Variants in LINGO2 observed in about 807,000 individuals in gnomAD.
LINGO2 encodes the protein leucine rich repeat and Ig domain containing 2, also known as leucine-rich repeat and immunoglobulin-like domain-containing nogo receptor-interacting protein 2.
Under a neutral mutation model 30.6 loss-of-function variants are expected in LINGO2, and 14 were observed. The observed-to-expected ratio is 0.46, with a 90% CI of 0.30 to 0.72. LINGO2 has a LOEUF of 0.72. LINGO2 is among the 30% of genes least tolerant of loss of function. LINGO2 has a pLI of 0.07. For synonymous variants in LINGO2, 317 were observed against 288.5 expected (o/e 1.10, Z -1.00); for missense variants, 729 against 751.7 (o/e 0.97, Z 0.35).
chr9:28,403,375 G>C (rs1478170250), intron 2 of LINGO2, among the ~76,000 whole-genome samples: 1 of 152,084 alleles, frequency 6.6e-6, no homozygotes, highest in African/African-American at 2.4e-5. Flanking sequence ...TCTGTCAAAG[G>C]CTGCAGCTTC....
At chr9:29,073,528 G>A in the LINGO2 span, among the ~76,000 whole-genome samples, 1 of 152,182 alleles carries the variant, frequency 6.6e-6, no homozygotes, top group South Asian at 2.1e-4. Context: ...ATTGTATTTT[G>A]CAATACAAGA....
chr9:28,045,551 A>G, intron 4 of LINGO2, among the ~76,000 whole-genome samples: 1 of 152,206 alleles, frequency 6.6e-6, no homozygotes, highest in East Asian at 1.9e-4. Flanking sequence ...TATGAGAGAA[A>G]AGATTGAGAA....
At chr9:28,161,729 A>G (rs1828292847) in intron 4 of LINGO2, among the ~76,000 whole-genome samples, 1 of 152,146 alleles carries the variant, frequency 6.6e-6, no homozygotes, top group South Asian at 2.1e-4. Context: ...TCTAGTATCT[A>G]TGATCCAATC....
chr9:29,048,191 G>T, the LINGO2 span, among the ~76,000 whole-genome samples: 1 of 151,466 alleles, frequency 6.6e-6, no homozygotes, highest in Non-Finnish European at 1.5e-5. Context: ...ATGTGAAAAA[G>T]AAATTTTAAA....
Position 28,006,131 on chromosome 9 carries a change from G to T in LINGO2, c.-36+6224C>A, listed in dbSNP as rs1054560970. On this transcript the variant is annotated intron_variant, in intron 5 of 5. Transcript: ENST00000379992. ...AGGAGAGCTTTGCTACCCATGCAAA[G>T]CTCCTTCCGGAAGAAAAAAAGAAAA... is the stretch of plus-strand genomic sequence containing the variant. 7.9e-5 allele frequency among the ~76,000 whole-genome samples: 12 copies of T among 152,114 alleles called. No individual in the cohort carries two copies. The South Asian group carries it at 2.3e-3, about 29-fold the overall frequency.
intron 5 of LINGO2, among the ~76,000 whole-genome samples, chr9:27,979,246 G>C (rs1046017819): frequency 3.3e-5 from 5 of 152,018 alleles, no homozygotes; most frequent in African/African-American, 9.7e-5. Context: ...TGCAGGGGTA[G>C]TGGCAGCTCT....
the LINGO2 span, among the ~76,000 whole-genome samples, chr9:28,697,652 T>G: frequency 3.3e-5 from 5 of 151,904 alleles, no homozygotes; most frequent in African/African-American, 1.2e-4. Flanking sequence ...GAAATATTAT[T>G]AAGGAAAATC....
At chr9:28,564,789 T>C (rs1278263363) in intron 1 of LINGO2, among the ~76,000 whole-genome samples, 1 of 152,114 alleles carries the variant, frequency 6.6e-6, no homozygotes, top group African/African-American at 2.4e-5. Context: ...TCAGATAAAA[T>C]TAAAAATTCA....
chr9:28,088,247 T>C (rs1327959643), intron 4 of LINGO2, among the ~76,000 whole-genome samples: 2 of 150,536 alleles, frequency 1.3e-5, no homozygotes, highest in Non-Finnish European at 3.0e-5. Flanking sequence ...CATATAATGG[T>C]TTAGTACAAC....
Position 28,341,375 on chromosome 9 carries a change from A to G in LINGO2, c.-246+31461T>C, listed in dbSNP as rs116194612. Among the ~76,000 whole-genome samples, 455 of 152,256 alleles carry G rather than the reference A, an allele frequency of 3.0e-3. 3 individuals carry two copies. Among genetic ancestry groups the G allele is most frequent in the African/African-American group, 0.01 (435 of 41,574 alleles). On this transcript the variant is annotated intron_variant, in intron 3 of 5. Transcript: ENST00000379992. ...TGTTATATTATGTTTTACTATCAAG[A>G]CTCACTTAAATTAACTTTTCATTGT...
the LINGO2 span, among the ~76,000 whole-genome samples, chr9:29,140,108 T>A: frequency 6.6e-6 from 1 of 152,094 alleles, no homozygotes; most frequent in Non-Finnish European, 1.5e-5. Flanking sequence ...GAAGACAGTT[T>A]GTAAAGACTA....
At chr9:29,005,083 A>G in the LINGO2 span, among the ~76,000 whole-genome samples, 2 of 152,054 alleles carry the variant, frequency 1.3e-5, no homozygotes, top group South Asian at 2.1e-4. Context: ...GCTCATATGT[A>G]TCATAGAGTT....
At chr9:28,057,611 GTA>G (rs1240323689) in intron 4 of LINGO2, among the ~76,000 whole-genome samples, 1 of 52,836 alleles carries the variant, frequency 1.9e-5, no homozygotes, top group Non-Finnish European at 4.3e-5. Flanking sequence ...ACACATATAT[GTA>G]TATACATATA....
At chr9:29,088,577 G>A in the LINGO2 span, among the ~76,000 whole-genome samples, 1 of 152,084 alleles carries the variant, frequency 6.6e-6, no homozygotes, top group African/African-American at 2.4e-5. Flanking sequence ...TAACTGGAAT[G>A]GTGTTAGGAA....
chr9:29,084,935 A>C, the LINGO2 span, among the ~76,000 whole-genome samples: 38 of 152,122 alleles, frequency 2.5e-4, no homozygotes, highest in Admixed American at 1.4e-3. Context: ...GAGTAAATGC[A>C]ATAACTCGAT....
At position 28,135,605 on chromosome 9, in the gene LINGO2, T is replaced by G. The variant is rs73643302; in HGVS notation, c.-86-123200A>C. 5.7e-3 allele frequency among the ~76,000 whole-genome samples: 868 copies of G among 152,106 alleles called. 8 individuals are homozygous for G. Among genetic ancestry groups the G allele is most frequent in the African/African-American group, 0.019 (808 of 41,474 alleles). On this transcript the variant is annotated intron_variant, in intron 4 of 5. Coordinates refer to ENST00000379992, the Ensembl canonical transcript of LINGO2. ...CCTCTGATGAATTCTAAAATGAAAG[T>G]CAAACCTTGTATCACGGTCTGTTCT... is the stretch of plus-strand genomic sequence containing the variant.
At chr9:28,995,605 G>T in the LINGO2 span, among the ~76,000 whole-genome samples, 2 of 152,100 alleles carry the variant, frequency 1.3e-5, no homozygotes, top group Admixed American at 1.3e-4. Flanking sequence ...CAATAGCAAA[G>T]ACTTGGAACC....
chr9:28,623,033 GATT>G (rs1180463234), intron 1 of LINGO2, among the ~76,000 whole-genome samples: 1 of 151,950 alleles, frequency 6.6e-6, no homozygotes, highest in Non-Finnish European at 1.5e-5. Flanking sequence ...TTTTAAATTA[GATT>G]ATTAGATTTT....
the LINGO2 span, among the ~76,000 whole-genome samples, chr9:29,014,198 T>C: frequency 6.6e-6 from 1 of 152,148 alleles, no homozygotes; most frequent in Admixed American, 6.6e-5. Flanking sequence ...TGCAGCTCAA[T>C]CCTTATGAAT....
Sources: gnomAD v4.1 joint callset for allele counts (sites outside exome capture counted in the v4.1 genomes callset) on GRCh38, gnomAD v4.1.1 for gene constraint, MANE v1.5 for transcripts, NCBI Gene and HGNC (gene_info 2026-07-23, HGNC 2026-07-21) for gene names.